STK32B: variants seen among roughly 807,000 people sequenced by gnomAD.
The protein encoded by STK32B is serine/threonine kinase 32B, also known as serine/threonine-protein kinase 32B.
STK32B carries 43 observed loss-of-function variants against 52.6 expected under a neutral mutation model. The observed-to-expected ratio is 0.82, with a 90% CI of 0.64 to 1.05. The LOEUF (loss-of-function observed/expected upper bound fraction) is 1.05, where lower values mean the gene tolerates loss of function less well. Ranked by LOEUF, STK32B falls within the 50% of genes least tolerant of loss-of-function variation. STK32B has a pLI of 0.00. For missense variants in STK32B, 621 were observed against 534.6 expected (o/e 1.16, Z -1.59); for synonymous variants, 238 against 204.3 (o/e 1.17, Z -1.41).
At chr4:5,498,140 T>TGAG (rs1720447928) in intron 11 of STK32B, among the ~76,000 whole-genome samples, 1 of 152,206 alleles carries the variant, frequency 6.6e-6, no homozygotes, top group Admixed American at 6.5e-5. Context: ...GGATGTGAGT[T>TGAG]GAGTTCTTCC....
At chr4:5,201,540 G>A (rs1319618967) in intron 3 of STK32B, among the ~76,000 whole-genome samples, 4 of 152,194 alleles carry the variant, frequency 2.6e-5, no homozygotes, top group African/African-American at 9.7e-5. Flanking sequence ...GCAGAAAAAG[G>A]AAGCAAAGTG....
At chr4:5,183,544 A>C (rs1720515953) in intron 3 of STK32B, among the ~76,000 whole-genome samples, 1 of 152,164 alleles carries the variant, frequency 6.6e-6, no homozygotes, top group Non-Finnish European at 1.5e-5. Flanking sequence ...CTAGATGTTA[A>C]AGTCCTAGAT....
At chr4:5,076,476 C>T (rs566611197) in intron 1 of STK32B, among the ~76,000 whole-genome samples, 2 of 152,110 alleles carry the variant, frequency 1.3e-5, no homozygotes, top group African/African-American at 4.8e-5. Flanking sequence ...TGTCAATTCC[C>T]CAGAGTGGAA....
intron 1 of STK32B, among the ~76,000 whole-genome samples, chr4:5,117,137 T>C (rs534541425): frequency 2.6e-5 from 4 of 152,334 alleles, no homozygotes; most frequent in Admixed American, 1.3e-4. Context: ...ATTTTCTTTT[T>C]CTTGTCTAAT....
intron 7 of STK32B, among the ~76,000 whole-genome samples, chr4:5,450,229 G>C (rs976467794): frequency 2.0e-5 from 3 of 152,158 alleles, no homozygotes; most frequent in South Asian, 2.1e-4. Context: ...CCAAGTAGGG[G>C]CCACTCCCCA....
the STK32B span, among the ~76,000 whole-genome samples, chr4:5,025,083 G>T: frequency 0.1 from 15,859 of 152,160 alleles, 1,065 homozygotes; most frequent in Middle Eastern, 0.21. Flanking sequence ...CTCCCCAGGC[G>T]CCTCTGCAGA....
chr4:5,187,682 T>G (rs1301617710), intron 3 of STK32B, among the ~76,000 whole-genome samples: 1 of 152,058 alleles, frequency 6.6e-6, no homozygotes, highest in African/African-American at 2.4e-5. Flanking sequence ...CTCATAATGG[T>G]TGATTTCAAA....
chr4:5,275,445 C>T lies in STK32B; in HGVS notation c.261-55775C>T, dbSNP rs959064200. Among the ~76,000 whole-genome samples, 8 of 152,276 alleles carry T rather than the reference C, an allele frequency of 5.3e-5. No homozygotes were observed. The East Asian group carries it at 5.8e-4, about 11-fold the overall frequency. On this transcript the variant is annotated intron_variant, in intron 3 of 11. Coordinates refer to ENST00000282908, the MANE Select transcript of STK32B (RefSeq NM_018401.3). ...AATATCTTTTTATCGTGGTTCATGT[C>T]TGGGCACTCTCTCACCCAGCCAGGG... is the stretch of plus-strand genomic sequence containing the variant.
chr4:5,036,723 C>T, the STK32B span, among the ~76,000 whole-genome samples: 5 of 137,666 alleles, frequency 3.6e-5, no homozygotes, highest in South Asian at 2.4e-4. Flanking sequence ...GCTGGAGTGC[C>T]GTGGCGTGAT....
intron 3 of STK32B, among the ~76,000 whole-genome samples, chr4:5,184,819 G>C (rs577250907): frequency 6.6e-6 from 1 of 152,356 alleles, no homozygotes; most frequent in South Asian, 2.1e-4. Context: ...AGCACATGCT[G>C]TTGGAAAACA....
intron 3 of STK32B, among the ~76,000 whole-genome samples, chr4:5,290,740 C>T (rs193280481): frequency 2.0e-3 from 282 of 142,884 alleles, no homozygotes; most frequent in African/African-American, 6.9e-3. Flanking sequence ...TATAAAACAG[C>T]ATTGAAAAAC....
intron 11 of STK32B, among the ~76,000 whole-genome samples, chr4:5,488,013 G>C (rs1163696792): frequency 6.6e-6 from 1 of 152,082 alleles, no homozygotes; most frequent in African/African-American, 2.4e-5. Flanking sequence ...TCTAATTTAG[G>C]ACCTAGGCTG....
intron 1 of STK32B, among the ~76,000 whole-genome samples, chr4:5,053,136 A>T (rs1375185733): frequency 6.6e-6 from 1 of 152,244 alleles, no homozygotes; most frequent in East Asian, 1.9e-4. Context: ...ATAGATGAAC[A>T]CAGTCAAGGT....
intron 1 of STK32B, among the ~76,000 whole-genome samples, chr4:5,122,157 C>T (rs1399769864): frequency 1.3e-5 from 2 of 150,360 alleles, no homozygotes; most frequent in African/African-American, 5.0e-5. Context: ...TTCACTCCTT[C>T]ATTCACTTAT....
chr4:5,452,324 C>T (rs926968106), intron 7 of STK32B, among the ~76,000 whole-genome samples: 1 of 151,980 alleles, frequency 6.6e-6, no homozygotes, highest in Non-Finnish European at 1.5e-5. Context: ...GAGAGAGCGG[C>T]ACTGAGTACC....
chr4:5,285,874 C>A (rs753762532), intron 3 of STK32B, among the ~76,000 whole-genome samples: 5 of 152,152 alleles, frequency 3.3e-5, no homozygotes, highest in Non-Finnish European at 7.4e-5. Flanking sequence ...AAATCGCTAA[C>A]CCCCTATACC....
intron 3 of STK32B, among the ~76,000 whole-genome samples, chr4:5,258,442 C>T (rs909141979): frequency 1.3e-5 from 2 of 152,162 alleles, no homozygotes; most frequent in African/African-American, 4.8e-5. Context: ...TTTCATTAGG[C>T]TCCACAGCCT....
intron 2 of STK32B, among the ~76,000 whole-genome samples, chr4:5,146,407 G>A (rs1320743483): frequency 6.6e-6 from 1 of 152,206 alleles, no homozygotes; most frequent in Non-Finnish European, 1.5e-5. Flanking sequence ...GTCTGATGTT[G>A]TAGGGCAGAA....
the STK32B span, among the ~76,000 whole-genome samples, chr4:5,022,147 C>T: frequency 8.5e-5 from 13 of 152,204 alleles, no homozygotes; most frequent in Non-Finnish European, 1.5e-4. Context: ...GGTTCCTCCG[C>T]ATCCTATGCA....
Sources: allele counts gnomAD v4.1 joint callset (sites outside exome capture counted in the v4.1 genomes callset), GRCh38; gene constraint gnomAD v4.1.1; transcripts MANE v1.5; gene names NCBI Gene and HGNC (gene_info 2026-07-23, HGNC 2026-07-21).